The following NOTCH1 variants were observed in gnomAD, a reference collection of about 807,000 sequenced individuals.
The protein encoded by NOTCH1 is notch receptor 1.
A neutral mutation model predicts 254.8 loss-of-function variants in NOTCH1; 37 were observed. The observed-to-expected ratio is 0.15, with a 90% confidence interval of 0.11 to 0.19. The LOEUF (loss-of-function observed/expected upper bound fraction) is 0.19. Ranked by LOEUF, NOTCH1 falls within the 10% of genes least tolerant of loss-of-function variation. NOTCH1 has a pLI of 1.00. For synonymous variants in NOTCH1, 1,731 were observed against 1,618.1 expected, an observed-to-expected ratio of 1.07 and a Z score of -1.68; for missense variants, 2,972 against 3,708.6, an observed-to-expected ratio of 0.80 and a Z score of 5.16.
At chr9:136,498,789 C>T (rs1164974006) in intron 33 of NOTCH1, 110 bp downstream of exon 33, 15 of 1,323,760 alleles carry the variant, frequency 1.1e-5, no homozygotes, top group South Asian at 5.9e-5. Context: ...CAGCGACCCT[C>T]GAGACCCTGT....
rs1332698674 is a variant in NOTCH1, at chr9:136,518,907, G to A, written c.866-83C>T. ...CCCTAAGACGCAGGGTGGCAATGCC[G>A]CCCCCTCCAGGAAGCCTTCCTGGGC... On this transcript the variant is annotated intron_variant, in intron 5 of 33. Coordinates refer to ENST00000651671, the MANE Select transcript of NOTCH1 (RefSeq NM_017617.5). The A allele has an allele frequency of 2.5e-5, 31 of 1,222,062 alleles. No homozygotes were observed. In the East Asian group the frequency reaches 2.6e-4, roughly 10 times the overall value. The allele number at this position is 1,222,062 out of a possible 1,614,324, so 75.7% of individuals were successfully genotyped here.
chr9:136,499,359 GAC>G, intron 31 of NOTCH1, 100 bp from the exon 32 acceptor site: 1 of 1,501,362 alleles, frequency 6.7e-7, no homozygotes, highest in Non-Finnish European at 9.0e-7. Flanking sequence ...CTGTCTTCCG[GAC>G]ACAGACGAGA....
chr9:136,500,710 G>C lies in NOTCH1; in HGVS notation c.5776C>G (p.Arg1926Gly). Residue 1926 changes from arginine to glycine, a missense_variant, in exon 31 of 34, where the codon CGC (arginine) becomes GGC (glycine). Coordinates refer to ENST00000651671, the MANE Select transcript of NOTCH1 (RefSeq NM_017617.5). ...AGGTGCAAGGCGGTCTCGCCCGTGC[G>C]GTCTGTCTGGTTGTGCAGGCTGGCG... is the stretch of plus-strand genomic sequence containing the variant. The part of the protein sequence containing the change: ...QGASLHNQTD[R>G]TGETALHLAA... 1 of 1,609,630 alleles carries C rather than the reference G, an allele frequency of 6.2e-7. No individual in the cohort carries two copies. The highest frequency in any genetic ancestry group is 8.5e-7 in the Non-Finnish European group (1 of 1,179,900).
At chr9:136,507,031 C>A (rs188560725) in intron 22 of NOTCH1, 58 bp from the exon 23 acceptor site, 2 of 1,576,950 alleles carry the variant, frequency 1.3e-6, no homozygotes, top group East Asian at 2.4e-5. Context: ...CCTGCCGTGC[C>A]GCGTGTCCGT....
At chr9:136,532,032 G>T (rs530537823) in intron 2 of NOTCH1, among the ~76,000 whole-genome samples, 1 of 152,222 alleles carries the variant, frequency 6.6e-6, no homozygotes, top group Non-Finnish European at 1.5e-5. Context: ...CCCCCTCAGA[G>T]CCTCACTCTG....
At position 136,505,740 on chromosome 9, in the gene NOTCH1, G is replaced by A. The variant is rs776239050; in HGVS notation, c.4156C>T (p.Pro1386Ser). 3 of 1,591,620 alleles carry A rather than the reference G, an allele frequency of 1.9e-6. No individual in the cohort carries two copies. Among genetic ancestry groups the A allele is most frequent in the East Asian group, 4.5e-5 (2 of 44,462 alleles). The change falls in exon 25 of 34, where the codon CCG becomes TCG. Residue 1386 changes from proline (P) to serine (S), a missense_variant. Pro to Ser is a moderately conservative substitution (Grantham distance 74). This residue lies in a region of NOTCH1 where 1,343 missense variants were observed against 1,557.0 expected (regional missense o/e 0.86). Coordinates refer to ENST00000651671, the MANE Select transcript of NOTCH1 (RefSeq NM_017617.5). ...GPFTGPECQF[P>S]ASSPCLGGNP... ...CCGCCCAGGCAGGGGCTGCTGGCCGGGAACTGGCATTCGGGGCCCGTGAAG... is the reference window on the plus strand; with the variant it reads ...CCGCCCAGGCAGGGGCTGCTGGCCGAGAACTGGCATTCGGGGCCCGTGAAG...
intron 26 of NOTCH1, among the ~76,000 whole-genome samples, 161 bp from the exon 27 acceptor site, chr9:136,503,491 T>C (rs1057174038): frequency 1.3e-5 from 2 of 152,170 alleles, no homozygotes; most frequent in African/African-American, 4.8e-5. Context: ...GCAGCTACCC[T>C]GCAGGGGACT....
At position 136,506,496 on chromosome 9, in the gene NOTCH1, G is replaced by A. The variant is rs1256904333; in HGVS notation, c.4014+31C>T. 1 of 1,548,476 alleles carries A rather than the reference G, an allele frequency of 6.5e-7. No homozygotes were observed. The highest frequency in any genetic ancestry group is 8.7e-7 in the Non-Finnish European group (1 of 1,145,938). On this transcript the variant is annotated intron_variant, in intron 24 of 33. Coordinates refer to ENST00000651671, the MANE Select transcript of NOTCH1 (RefSeq NM_017617.5). This position sits in a 1 kb window ranked among gnomAD's most constrained non-coding sequence, Gnocchi z 4.5. ...ACCTCTCCAGGTGTCTCCCCTGGCGGGCCCCTGCCTCCCTGCACCCCTGCA... is the reference window on the plus strand; with the variant it reads ...ACCTCTCCAGGTGTCTCCCCTGGCGAGCCCCTGCCTCCCTGCACCCCTGCA...
chr9:136,514,709 G>A lies in NOTCH1; in HGVS notation c.2015-7C>T, dbSNP rs2133361357. 1.2e-6 allele frequency: 2 copies of A among 1,611,432 alleles called. No homozygotes were observed. Among genetic ancestry groups the A allele is most frequent in the Non-Finnish European group, 1.7e-6 (2 of 1,179,458 alleles). On this transcript the variant is annotated splice_region_variant and splice_polypyrimidine_tract_variant and intron_variant, in intron 12 of 33. Coordinates refer to ENST00000651671, the MANE Select transcript of NOTCH1 (RefSeq NM_017617.5). Reference sequence around the variant, plus strand: ...TTGATGTTACACATGCTCCCTAAGGGCAGGGCGGGTCAGACTCCGAGGCCC... The same window carrying A: ...TTGATGTTACACATGCTCCCTAAGGACAGGGCGGGTCAGACTCCGAGGCCC...
rs779195962 is a variant in NOTCH1, at chr9:136,504,899, G to A, written c.4792C>T (p.Arg1598Cys). 3 of 1,585,672 alleles carry A rather than the reference G, an allele frequency of 1.9e-6. No homozygotes were observed. The highest frequency in any genetic ancestry group is 1.3e-5 in the African/African-American group (1 of 74,490). The change falls in exon 26 of 34, where the codon CGC becomes TGC. Residue 1598 changes from arginine to cysteine, a missense_variant. By Grantham distance (180) the Arg-to-Cys change is radical. Coordinates refer to ENST00000651671, the MANE Select transcript of NOTCH1 (RefSeq NM_017617.5). ...SSFHFLRELS[R>C]VLHTNVVFKR... ...AAGACCACGTTGGTGTGCAGCACGC[G>A]GCTGAGCTCCCGCAGGAAGTGGAAG...
rs776698364 is a variant in NOTCH1, at chr9:136,510,773, C to T, written c.2620G>A (p.Val874Ile). The T allele has an allele frequency of 3.4e-5, 54 of 1,610,240 alleles. No homozygotes were observed. The highest frequency in any genetic ancestry group is 1.7e-4 in the Admixed American group (10 of 60,000). Residue 874 changes from valine (V) to isoleucine (I), a missense_variant, in exon 17 of 34, where the codon GTT becomes ATT. Transcript: ENST00000651671. The part of the protein sequence containing the change: ...QTCEVDINEC[V>I]LSPCRHGASC... Reference sequence around the variant, plus strand: ...GCGCCGTGCCGGCACGGGCTCAGAACGCACTCGTTGATGTCGACCTCACAG... The same window carrying T: ...GCGCCGTGCCGGCACGGGCTCAGAATGCACTCGTTGATGTCGACCTCACAG...
At chr9:136,509,405 G>A (rs1352971945) in intron 18 of NOTCH1, among the ~76,000 whole-genome samples, 6 of 152,236 alleles carry the variant, frequency 3.9e-5, no homozygotes, top group South Asian at 2.1e-4. Flanking sequence ...AACCAGGGAC[G>A]AGACTGACGT....
rs1197737936 is a variant in NOTCH1, at chr9:136,505,797, G to T, written c.4099C>A (p.Pro1367Thr). 7 of 1,585,660 alleles carry T rather than the reference G, an allele frequency of 4.4e-6. No homozygotes were observed. Among genetic ancestry groups the T allele is most frequent in the Middle Eastern group, 3.4e-4 (2 of 5,970 alleles). Residue 1367 changes from proline to threonine, a missense_variant, in exon 25 of 34, where the codon CCG (proline) becomes ACG (threonine). This residue lies in a region of NOTCH1 where 1,343 missense variants were observed against 1,557.0 expected (regional missense o/e 0.86). Coordinates refer to ENST00000651671, the MANE Select transcript of NOTCH1 (RefSeq NM_017617.5). Reference sequence around the variant, plus strand: ...AGGCACAGGCAGGTGGGGCTGCGCGGGCCGGAGATGCATGTGCCGCCGTTG... The same window carrying T: ...AGGCACAGGCAGGTGGGGCTGCGCGTGCCGGAGATGCATGTGCCGCCGTTG... ...CLNGGTCISG[P>T]RSPTCLCLGP...
chr9:136,539,728 C>T (rs1196296495), intron 2 of NOTCH1, among the ~76,000 whole-genome samples: 1 of 152,228 alleles, frequency 6.6e-6, no homozygotes, highest in Non-Finnish European at 1.5e-5. Flanking sequence ...CTGTCACAGG[C>T]CTTTCCGCTC....
At chr9:136,516,831 G>GGGAA (rs1262830304) in intron 9 of NOTCH1, among the ~76,000 whole-genome samples, 1 of 152,180 alleles carries the variant, frequency 6.6e-6, no homozygotes, top group Non-Finnish European at 1.5e-5. Flanking sequence ...CCTTCCTTCG[G>GGGAA]GGAAGTCTGA....
In NOTCH1 at chr9:136,496,623, C is replaced by T. The variant is rs2133316264; in HGVS notation, c.7116G>A (p.Arg2372=). The T allele has an allele frequency of 6.2e-7, 1 of 1,613,110 alleles. No individual in the cohort carries two copies. The highest frequency in any genetic ancestry group is 1.3e-5 in the African/African-American group (1 of 75,064). ...GCACCAGGTGAGGCTGGGTGGCCAG[C>T]CGGGTGCTGGGCAGGCCCTGGTAGC... ...MMSYQGLPST[R]LATQPHLVQT... is the part of the protein sequence containing the mutation. Residue 2372 remains arginine (R), a synonymous_variant, in exon 34 of 34, where the codon CGG becomes CGA. Coordinates refer to ENST00000651671, the MANE Select transcript of NOTCH1 (RefSeq NM_017617.5).
In NOTCH1 at chr9:136,545,598, G is replaced by T. The variant is rs1843803695; in HGVS notation, c.61+128C>A. On this transcript the variant is annotated intron_variant, in intron 1 of 33. Coordinates refer to ENST00000651671, the MANE Select transcript of NOTCH1 (RefSeq NM_017617.5). The surrounding 1 kb of genome is among the most constrained non-coding windows in gnomAD (Gnocchi z 6.8). ...ACTCCAGAACCCCACGCCCCGGGCC[G>T]CCCGCTTTTCCCTCTCCATGCTGGC... 1 of 677,910 alleles carries T rather than the reference G, an allele frequency of 1.5e-6. No individual in the cohort carries two copies. The highest frequency in any genetic ancestry group is 2.2e-6 in the Non-Finnish European group (1 of 447,994). 42.0% of individuals were successfully genotyped at this position (677,910 alleles called of 1,614,324 possible).
intron 4 of NOTCH1, 108 bp downstream of exon 4, chr9:136,522,742 C>G: frequency 9.0e-7 from 1 of 1,114,794 alleles, no homozygotes; most frequent in Non-Finnish European, 1.2e-6. Context: ...CCCAACTCCC[C>G]GCCATGGGCC....
At position 136,525,698 on chromosome 9, in the gene NOTCH1, C is replaced by T. The variant is rs11574866; in HGVS notation, c.141-1719G>A. ...CGCCTCCTCTCCCGCTTATTCCCAC[C>T]CCAGTGTCTCCAATCAAACCTGTGC... On this transcript the variant is annotated intron_variant, in intron 2 of 33. Coordinates refer to ENST00000651671, the MANE Select transcript of NOTCH1 (RefSeq NM_017617.5). Among the ~76,000 whole-genome samples the T allele has an allele frequency of 9.3e-3, 1,421 of 152,368 alleles. 8 individuals are homozygous for T. The highest frequency in any genetic ancestry group is 0.016 in the Non-Finnish European group (1,121 of 68,028).
Sources: allele counts gnomAD v4.1 joint callset (sites outside exome capture counted in the v4.1 genomes callset), GRCh38; gene constraint gnomAD v4.1.1; regional missense constraint gnomAD v4.1.1; non-coding constraint Gnocchi (gnomAD v3.1); transcripts MANE v1.5; gene names NCBI Gene and HGNC (gene_info 2026-07-23, HGNC 2026-07-21).